SHB: variants seen among roughly 807,000 people sequenced by gnomAD.
SHB encodes SH2 domain containing adaptor protein B, also known as SH2 domain-containing adapter protein B.
In SHB, 20 loss-of-function variants were observed where a neutral mutation model predicts 52.3. The ratio of observed to expected loss-of-function variants is 0.38; its 90% CI spans 0.27 to 0.56. SHB has a LOEUF of 0.56. Among genes scored for constraint, SHB ranks in the 20% least tolerant of loss-of-function variants. SHB has a pLI of 0.71. For missense variants in SHB, 825 were observed against 723.3 expected, an observed-to-expected ratio of 1.14 and a Z score of -1.61; for synonymous variants, 397 against 316.5, an observed-to-expected ratio of 1.25 and a Z score of -2.70.
chr9:38,014,421 G>C (rs1216361354), intron 2 of SHB, among the ~76,000 whole-genome samples: 2 of 152,266 alleles, frequency 1.3e-5, no homozygotes, highest in African/African-American at 4.8e-5. Flanking sequence ...GGAGGTGAGG[G>C]CATGCACTGG....
rs74931361 is a variant in SHB at position 37,926,573 on chromosome 9, C to T, written c.1347-6569G>A. On this transcript the variant is annotated intron_variant, in intron 5 of 5. Transcript: ENST00000377707. ...CACTGAGGCGAGAAGTGAGACTGAA[C>T]ACAAGTCCATTGAATCTTCACAGAG... Among the ~76,000 whole-genome samples the T allele has an allele frequency of 6.6e-5, 10 of 152,352 alleles. No individual in the cohort carries two copies. The East Asian group carries it at 1.7e-3, about 26-fold the overall frequency.
chr9:37,956,571 T>A (rs1314666800), intron 3 of SHB, among the ~76,000 whole-genome samples: 2 of 152,178 alleles, frequency 1.3e-5, no homozygotes, highest in African/African-American at 2.4e-5. Flanking sequence ...ATCCCCCGCA[T>A]GGGCCCAGGA....
Position 37,974,705 on chromosome 9 carries a change from T to G in SHB, c.971A>C (p.Lys324Thr). Residue 324 changes from lysine (K) to threonine (T), a missense_variant, in exon 3 of 6, where the codon AAG becomes ACG. Coordinates refer to ENST00000377707, the MANE Select transcript of SHB (RefSeq NM_003028.3). ...GGGCCTGTCGTCATCCTGGGGCAGC[T>G]TGCTCTCCCGCAGTCGGGGGCTGAC... ...STVSPRLRES[K>T]LPQDDDRPAD... The G allele has an allele frequency of 6.2e-7, 1 of 1,614,092 alleles. No homozygotes were observed. Among genetic ancestry groups the G allele is most frequent in the South Asian group, 1.1e-5 (1 of 91,064 alleles).
rs765821487 is a variant in SHB at position 37,917,338 on chromosome 9, C to G, written c.*2483G>C. ...ACTTCAGGAAGACGAAGGCCAGGGACAGAGGGAGGGTCCCAGGAATACCCT... is the reference window on the plus strand; with the variant it reads ...ACTTCAGGAAGACGAAGGCCAGGGAGAGAGGGAGGGTCCCAGGAATACCCT... On this transcript the variant is annotated 3_prime_UTR_variant, in exon 6 of 6. Coordinates refer to ENST00000377707, the MANE Select transcript of SHB (RefSeq NM_003028.3). 3.9e-5 allele frequency among the ~76,000 whole-genome samples: 6 copies of G among 152,176 alleles called. No individual in the cohort carries two copies. The highest frequency in any genetic ancestry group is 5.9e-5 in the Non-Finnish European group (4 of 68,038).
At chr9:37,935,600 G>T (rs1296727341) in intron 5 of SHB, among the ~76,000 whole-genome samples, 1 of 152,034 alleles carries the variant, frequency 6.6e-6, no homozygotes, top group Non-Finnish European at 1.5e-5. Context: ...ACAAAATCGT[G>T]GTCCTGGACC....
intron 3 of SHB, among the ~76,000 whole-genome samples, chr9:37,965,183 G>A (rs1042425270): frequency 6.6e-6 from 1 of 152,248 alleles, no homozygotes; most frequent in East Asian, 1.9e-4. Context: ...ATGGCTGTGA[G>A]GGAGGCCAGG....
At chr9:37,995,404 C>T (rs1820936034) in intron 2 of SHB, among the ~76,000 whole-genome samples, 1 of 151,172 alleles carries the variant, frequency 6.6e-6, no homozygotes, top group Admixed American at 6.6e-5. Flanking sequence ...GCCTCTGGGC[C>T]TGATATTCCA....
At chr9:37,946,387 T>G (rs913233480) in intron 5 of SHB, among the ~76,000 whole-genome samples, 5 of 152,222 alleles carry the variant, frequency 3.3e-5, no homozygotes, top group Admixed American at 3.3e-4. Flanking sequence ...CTTTTATAAC[T>G]GAGGGTACAA....
chr9:37,971,119 T>C (rs1820586055), intron 3 of SHB, among the ~76,000 whole-genome samples: 1 of 152,008 alleles, frequency 6.6e-6, no homozygotes, highest in African/African-American at 2.4e-5. Flanking sequence ...TTCTGACAGG[T>C]ACTATGCTAA....
chr9:38,011,035 C>T (rs1478099656), intron 2 of SHB, among the ~76,000 whole-genome samples: 1 of 152,230 alleles, frequency 6.6e-6, no homozygotes, highest in Non-Finnish European at 1.5e-5. Flanking sequence ...CCCTATTTTA[C>T]CATGACACCA....
At chr9:38,048,288 G>A (rs547699729) in intron 1 of SHB, among the ~76,000 whole-genome samples, 1 of 152,122 alleles carries the variant, frequency 6.6e-6, no homozygotes, top group South Asian at 2.1e-4. Flanking sequence ...ATGTCGGTGG[G>A]AATGCAGTAA....
rs1466750139 is a variant in SHB at position 37,995,152 on chromosome 9, C to T, written c.839-20315G>A. Among the ~76,000 whole-genome samples the T allele has an allele frequency of 4.6e-5, 7 of 152,228 alleles. No individual in the cohort carries two copies. In the East Asian group the frequency reaches 7.7e-4, roughly 17 times the overall value. Reference sequence around the variant, plus strand: ...ACAGGCTGGGGGAAGGGCAGGCGGGCGGCAGCTGTCACGTTACAGCTGCCA... The same window carrying T: ...ACAGGCTGGGGGAAGGGCAGGCGGGTGGCAGCTGTCACGTTACAGCTGCCA... On this transcript the variant is annotated intron_variant, in intron 2 of 5. Coordinates refer to ENST00000377707, the MANE Select transcript of SHB (RefSeq NM_003028.3).
chr9:37,978,146 G>A (rs1820676289), intron 2 of SHB, among the ~76,000 whole-genome samples: 1 of 152,212 alleles, frequency 6.6e-6, no homozygotes. Flanking sequence ...ATACAGTTTA[G>A]TGTTAAACAA....
chr9:37,969,081 G>A (rs1486037010), intron 3 of SHB, among the ~76,000 whole-genome samples: 1 of 152,246 alleles, frequency 6.6e-6, no homozygotes, highest in Non-Finnish European at 1.5e-5. Context: ...ATATCCTGGT[G>A]TAGATGTCGC....
chr9:37,926,188 C>T (rs1277112019), intron 5 of SHB, among the ~76,000 whole-genome samples: 2 of 151,910 alleles, frequency 1.3e-5, no homozygotes, highest in Admixed American at 6.6e-5. Flanking sequence ...GTAGTTCCTG[C>T]CATAACCCCA....
At chr9:37,928,309 A>G (rs1832273617) in intron 5 of SHB, among the ~76,000 whole-genome samples, 1 of 152,204 alleles carries the variant, frequency 6.6e-6, no homozygotes, top group African/African-American at 2.4e-5. Flanking sequence ...GGACAGCAAA[A>G]TGACAAAAGC....
intron 2 of SHB, among the ~76,000 whole-genome samples, chr9:38,011,284 C>G (rs1028994833): frequency 1.3e-5 from 2 of 152,166 alleles, no homozygotes; most frequent in Admixed American, 1.3e-4. Flanking sequence ...TGAAGGGAAC[C>G]CAGAAACGCT....
At chr9:37,934,812 C>T (rs928655925) in intron 5 of SHB, among the ~76,000 whole-genome samples, 1 of 152,202 alleles carries the variant, frequency 6.6e-6, no homozygotes, top group Non-Finnish European at 1.5e-5. Context: ...TGGCTCTTTG[C>T]TCCCTAATGA....
At chr9:38,013,911 C>T (rs1481365058) in intron 2 of SHB, among the ~76,000 whole-genome samples, 1 of 152,192 alleles carries the variant, frequency 6.6e-6, no homozygotes, top group African/African-American at 2.4e-5. Context: ...CCGAACCTCT[C>T]AGTTTCCCTC....
Sources: gnomAD v4.1 joint callset for allele counts (sites outside exome capture counted in the v4.1 genomes callset) on GRCh38, gnomAD v4.1.1 for gene constraint, MANE v1.5 for transcripts, NCBI Gene and HGNC (gene_info 2026-07-23, HGNC 2026-07-21) for gene names.